Variants in TRIM9 observed in about 807,000 individuals in gnomAD.
The protein encoded by TRIM9 is E3 ubiquitin-protein ligase TRIM9.
In TRIM9, 26 loss-of-function variants were observed where a neutral mutation model predicts 78.3. The ratio of observed to expected loss-of-function variants is 0.33; its 90% CI spans 0.24 to 0.46. The LOEUF is 0.46. TRIM9 is among the 20% of genes least tolerant of loss of function. The probability of loss-of-function intolerance (pLI) is 1.00; values close to 1 mark genes in which losing one functional copy is unlikely to be tolerated. For missense variants in TRIM9, 787 were observed against 1,036.4 expected, an observed-to-expected ratio of 0.76 and a Z score of 3.30; for synonymous variants, 398 against 416.5, an observed-to-expected ratio of 0.96 and a Z score of 0.54.
rs377753535 is a variant in TRIM9, at chr14:51,072,108, C to A, written c.822+22010G>T. On this transcript the variant is annotated intron_variant, in intron 1 of 12. Transcript: ENST00000684578. Reference sequence around the variant, plus strand: ...AAAAGGCACACGTGGCAGGACTGGGCCACCTGGGCTTCAGGGAAATCTGCC... The same window carrying A: ...AAAAGGCACACGTGGCAGGACTGGGACACCTGGGCTTCAGGGAAATCTGCC... Among the ~76,000 whole-genome samples the A allele has an allele frequency of 4.0e-3, 614 of 152,290 alleles. 5 individuals carry two copies. The highest frequency in any genetic ancestry group is 5.4e-3 in the Non-Finnish European group (368 of 68,012).
rs1049967097 is a variant in TRIM9 at position 50,992,387 on chromosome 14, G to C, written c.1603+5663C>G. ...GAGGCCGGGAGTTTGAGACCGGGCT[G>C]GGCAACATAGTGAGACCCTGTCTCT... On this transcript the variant is annotated intron_variant, in intron 7 of 12. Transcript: ENST00000684578. Among the ~76,000 whole-genome samples the C allele has an allele frequency of 5.9e-5, 9 of 151,816 alleles. No individual in the cohort carries two copies. The East Asian group carries it at 1.6e-3, about 26-fold the overall frequency.
intron 7 of TRIM9, among the ~76,000 whole-genome samples, chr14:50,991,059 A>G (rs1451572735): frequency 6.6e-6 from 1 of 152,226 alleles, no homozygotes; most frequent in Non-Finnish European, 1.5e-5. Context: ...ACCTTCTTTT[A>G]GAAGAATGAA....
At chr14:50,979,876 G>A (rs780599802) in intron 11 of TRIM9, among the ~76,000 whole-genome samples, 1 of 152,166 alleles carries the variant, frequency 6.6e-6, no homozygotes, top group Non-Finnish European at 1.5e-5. Flanking sequence ...ATTCATTAGG[G>A]TCTCTACCAC....
In TRIM9 at chr14:50,983,406, G is replaced by T; in HGVS notation, c.1808C>A (p.Thr603Lys). Reference protein sequence around the residue: ...SLNAPGCNFETQSAPYSQLVD... With the variant: ...SLNAPGCNFEKQSAPYSQLVD... ...TAATTGAGAGTAAGGTGCAGATTGTGTCTCAAAATTGCATCCTATAAAGAG... is the reference window on the plus strand; with the variant it reads ...TAATTGAGAGTAAGGTGCAGATTGTTTCTCAAAATTGCATCCTATAAAGAG... Residue 603 changes from threonine to lysine, a missense_variant, in exon 9 of 13, where the codon ACA becomes AAA. Coordinates refer to ENST00000684578, the MANE Select transcript of TRIM9 (RefSeq NM_001387360.1). The T allele has an allele frequency of 6.5e-7, 1 of 1,542,678 alleles. No homozygotes were observed. The highest frequency in any genetic ancestry group is 1.2e-5 in the South Asian group (1 of 82,622).
intron 4 of TRIM9, 118 bp from the exon 5 acceptor site, chr14:51,009,351 A>C (rs1318100471): frequency 8.0e-7 from 1 of 1,253,252 alleles, no homozygotes; most frequent in Non-Finnish European, 1.1e-6. Flanking sequence ...TCATACTCTG[A>C]CTGCCTCAGT....
intron 1 of TRIM9, among the ~76,000 whole-genome samples, chr14:51,062,144 C>T (rs2061398993): frequency 6.6e-6 from 1 of 152,112 alleles, no homozygotes; most frequent in Admixed American, 6.5e-5. Context: ...CTAGTATTTA[C>T]ATTGGTTCTT....
intron 12 of TRIM9, chr14:50,979,160 T>C: frequency 1.4e-6 from 2 of 1,422,522 alleles, no homozygotes; most frequent in Non-Finnish European, 1.8e-6. Flanking sequence ...TCTAGTTTCC[T>C]ATGTGCTATT....
At chr14:51,027,299 A>G (rs939150161) in intron 1 of TRIM9, among the ~76,000 whole-genome samples, 82 of 151,852 alleles carry the variant, frequency 5.4e-4, no homozygotes, top group Middle Eastern at 3.4e-3. Context: ...GTGCACCACC[A>G]CACCGAGTGA....
rs1183726031 is a variant in TRIM9 at position 51,044,741 on chromosome 14, C to T, written c.823-19381G>A. Reference sequence around the variant, plus strand: ...AGAATAAATCATGAGTTTAAGCCAACCTTGTTTTGTTATATGGCTAAACCT... The same window carrying T: ...AGAATAAATCATGAGTTTAAGCCAATCTTGTTTTGTTATATGGCTAAACCT... On this transcript the variant is annotated intron_variant, in intron 1 of 12. Transcript: ENST00000684578. Among the ~76,000 whole-genome samples the T allele has an allele frequency of 5.9e-5, 9 of 152,282 alleles. No individual in the cohort carries two copies. The East Asian group carries it at 1.7e-3, about 29-fold the overall frequency.
intron 3 of TRIM9, among the ~76,000 whole-genome samples, chr14:51,013,535 A>G (rs1379210810): frequency 1.3e-5 from 2 of 152,182 alleles, no homozygotes; most frequent in African/African-American, 4.8e-5. Context: ...ATGATTTGTT[A>G]CTGCTTTTTA....
Position 50,998,148 on chromosome 14 carries a change from C to A in TRIM9, c.1505G>T (p.Gly502Val). Residue 502 changes from glycine (G) to valine (V), a missense_variant, in exon 7 of 13, where the codon GGT (glycine) becomes GTT (valine). Physicochemically the swap from Gly to Val is moderately radical, Grantham distance 109. Coordinates refer to ENST00000684578, the MANE Select transcript of TRIM9 (RefSeq NM_001387360.1). Reference protein sequence around the residue: ...VGKETMCTVDGLHFNSTYNAR... With the variant: ...VGKETMCTVDVLHFNSTYNAR... ...GTTGTATGTGCTGTTGAAGTGAAGA[C>A]CATCCACAGTGCACATTGTCTCCTT... 1 of 1,614,174 alleles carries A rather than the reference C, an allele frequency of 6.2e-7. No homozygotes were observed. Among genetic ancestry groups the A allele is most frequent in the Non-Finnish European group, 8.5e-7 (1 of 1,180,030 alleles).
At position 50,986,120 on chromosome 14, in the gene TRIM9, A is replaced by C; in HGVS notation, c.1628T>G (p.Leu543Arg). Residue 543 changes from leucine to arginine, a missense_variant, in exon 8 of 13, where the codon CTC (leucine) becomes CGC (arginine). Transcript: ENST00000684578. ...SEDTDSEEQT[L>R]PFPVPSERLP... ...TCTTTCCGAAGGCACTGGAAAAGGG[A>C]GGGTCTGTTCTTCTGAATCTGTGTC... 6.5e-7 allele frequency: 1 copy of C among 1,539,294 alleles called. No homozygotes were observed. The highest frequency in any genetic ancestry group is 1.2e-5 in the South Asian group (1 of 82,100).
At chr14:50,982,178 G>T in intron 10 of TRIM9, 75 bp from the exon 11 acceptor site, 2 of 1,539,276 alleles carry the variant, frequency 1.3e-6, no homozygotes. Flanking sequence ...CTCCTGGGCG[G>T]GTGAGGAGCG....
intron 1 of TRIM9, among the ~76,000 whole-genome samples, chr14:51,042,729 T>C (rs1056706219): frequency 6.6e-6 from 1 of 152,178 alleles, no homozygotes; most frequent in Non-Finnish European, 1.5e-5. Context: ...AGGCTTAGTC[T>C]TATTTGCAGG....
At chr14:51,054,452 T>C (rs2060722127) in intron 1 of TRIM9, among the ~76,000 whole-genome samples, 1 of 151,502 alleles carries the variant, frequency 6.6e-6, no homozygotes, top group South Asian at 2.1e-4. Context: ...TTTGTATTTT[T>C]TTTGTTAGAG....
chr14:51,013,711 C>T (rs1488328126), intron 3 of TRIM9, among the ~76,000 whole-genome samples: 1 of 151,946 alleles, frequency 6.6e-6, no homozygotes, highest in Non-Finnish European at 1.5e-5. Context: ...ATCCAGTATG[C>T]CTGACAACCA....
At chr14:51,050,539 G>T (rs533033495) in intron 1 of TRIM9, among the ~76,000 whole-genome samples, 2 of 152,214 alleles carry the variant, frequency 1.3e-5, no homozygotes, top group South Asian at 2.1e-4. Flanking sequence ...AGCAGCATGG[G>T]AACAGACTAA....
intron 1 of TRIM9, among the ~76,000 whole-genome samples, chr14:51,087,890 C>T (rs2040494011): frequency 6.6e-6 from 1 of 152,034 alleles, no homozygotes; most frequent in Non-Finnish European, 1.5e-5. Flanking sequence ...GTATACAAAA[C>T]CTAAAAGTAG....
chr14:51,083,431 A>ATTT (rs146594547), intron 1 of TRIM9, among the ~76,000 whole-genome samples: 64 of 150,300 alleles, frequency 4.3e-4, no homozygotes, highest in African/African-American at 1.4e-3. Flanking sequence ...ATTAAAAAAA[A>ATTT]TTTTTTTTTT....
Sources: allele counts gnomAD v4.1 joint callset (sites outside exome capture counted in the v4.1 genomes callset), GRCh38; gene constraint gnomAD v4.1.1; transcripts MANE v1.5; gene names NCBI Gene and HGNC (gene_info 2026-07-23, HGNC 2026-07-21).